SANBR: variants seen among roughly 807,000 people sequenced by gnomAD.
The protein encoded by SANBR is SANT and BTB domain regulator of class switch recombination.
Under a neutral mutation model 101.8 loss-of-function variants are expected in SANBR, and 77 were observed. The observed-to-expected ratio is 0.76, with a 90% CI of 0.63 to 0.91. The LOEUF (loss-of-function observed/expected upper bound fraction) is 0.91, where lower values mean the gene tolerates loss of function less well. Ranked by LOEUF, SANBR falls within the 40% of genes least tolerant of loss-of-function variation. SANBR has a pLI of 0.00. For synonymous variants in SANBR, 279 were observed against 274.7 expected (o/e 1.02, Z -0.15); for missense variants, 875 against 853.0 (o/e 1.03, Z -0.32).
At chr2:61,121,417 A>G (rs1684326383) in intron 21 of SANBR, 141 bp downstream of exon 21, 2 of 514,448 alleles carry the variant, frequency 3.9e-6, no homozygotes, top group Non-Finnish European at 7.1e-6. Context: ...TCAAGGCACT[A>G]ATTAGAAACA....
chr2:61,067,383 G>C (rs1298565997), intron 1 of SANBR, among the ~76,000 whole-genome samples: 1 of 152,118 alleles, frequency 6.6e-6, no homozygotes, highest in Non-Finnish European at 1.5e-5. Flanking sequence ...AGCTCTCAGG[G>C]AAGATCCTTG....
At chr2:61,137,284 AAAT>A (rs143341543) in intron 21 of SANBR, among the ~76,000 whole-genome samples, 34 of 151,318 alleles carry the variant, frequency 2.2e-4, no homozygotes, top group Non-Finnish European at 2.5e-4. Context: ...GACCCTGTCT[AAAT>A]AATAATAATA....
At chr2:61,096,726 CTT>C (rs1396346793) in intron 11 of SANBR, among the ~76,000 whole-genome samples, 4 of 152,112 alleles carry the variant, frequency 2.6e-5, no homozygotes, top group Admixed American at 6.6e-5. Context: ...ATTTTACTAA[CTT>C]ATAAACAATT....
chr2:61,106,423 CATT>C lies in SANBR; in HGVS notation c.1512-139_1512-137del, dbSNP rs1683570508. On this transcript the variant is annotated intron_variant, in intron 13 of 21. Transcript: ENST00000402291. ...AAAAAAAAAAAAAAAAAGGAAATGT[CATT>C]GTTGACGTGATATCCTTATACTCAG... The C allele has an allele frequency of 2.3e-5, 9 of 384,082 alleles. No homozygotes were observed. In the East Asian group the frequency reaches 5.7e-4, roughly 25 times the overall value. 23.8% of individuals were successfully genotyped at this position (384,082 alleles called of 1,614,324 possible).
intron 8 of SANBR, among the ~76,000 whole-genome samples, chr2:61,084,711 G>C (rs1443651375): frequency 6.6e-6 from 1 of 152,180 alleles, no homozygotes; most frequent in Non-Finnish European, 1.5e-5. Context: ...GACGTGATCT[G>C]ATTTGTTGTT....
chr2:61,086,086 T>C (rs1407052245), intron 8 of SANBR, among the ~76,000 whole-genome samples: 1 of 152,186 alleles, frequency 6.6e-6, no homozygotes, highest in Non-Finnish European at 1.5e-5. Flanking sequence ...TAACCTTCCA[T>C]TAATTTGAAT....
intron 19 of SANBR, 73 bp downstream of exon 19, chr2:61,117,613 C>T (rs1399107151): frequency 5.3e-6 from 7 of 1,312,840 alleles, no homozygotes; most frequent in Non-Finnish European, 7.7e-6. Flanking sequence ...TCATTTTATA[C>T]AGTATGCTGA....
chr2:61,066,880 T>G (rs1275950634), intron 1 of SANBR, among the ~76,000 whole-genome samples: 1 of 152,174 alleles, frequency 6.6e-6, no homozygotes, highest in Admixed American at 6.5e-5. Flanking sequence ...TCTTAAAAAA[T>G]GAAGTCTGTT....
At chr2:61,130,093 T>A (rs1684639999) in intron 20 of SANBR, among the ~76,000 whole-genome samples, 1 of 152,146 alleles carries the variant, frequency 6.6e-6, no homozygotes, top group Non-Finnish European at 1.5e-5. Flanking sequence ...AATTTTTGCT[T>A]TCTCCATGCT....
intron 13 of SANBR, 94 bp from the exon 14 acceptor site, chr2:61,106,469 A>G (rs1342694583): frequency 9.9e-6 from 8 of 811,596 alleles, no homozygotes; most frequent in Non-Finnish European, 1.6e-5. Flanking sequence ...ATTTCTAAAA[A>G]GCGATTTTTG....
rs1682492876 is a variant in SANBR at position 61,087,401 on chromosome 2, T to A, written c.891-758T>A. Among the ~76,000 whole-genome samples, 5 of 151,890 alleles carry A rather than the reference T, an allele frequency of 3.3e-5. No individual in the cohort carries two copies. In the East Asian group the frequency reaches 9.7e-4, roughly 29 times the overall value. On this transcript the variant is annotated intron_variant, in intron 8 of 21. Transcript: ENST00000402291. ...GCCAGCCCCAATCTCTACAGATTTT[T>A]TTTTTTTTTAATTAACTGAATGTGG...
At chr2:61,091,801 A>G (rs1316771193) in intron 10 of SANBR, among the ~76,000 whole-genome samples, 7 of 152,088 alleles carry the variant, frequency 4.6e-5, no homozygotes, top group Admixed American at 3.9e-4. Flanking sequence ...AACAAACTTG[A>G]GTTGCATATG....
rs532277898 is a variant in SANBR at position 61,123,645 on chromosome 2, A to C, written c.*1483A>C. On this transcript the variant is annotated 3_prime_UTR_variant, in exon 22 of 22. Transcript: ENST00000402291. Reference sequence around the variant, plus strand: ...AGGATTTGGATTTGTACATGTAAACAGTGCTGTAATGGTCACGACTAGATA... The same window carrying C: ...AGGATTTGGATTTGTACATGTAAACCGTGCTGTAATGGTCACGACTAGATA... The C allele has an allele frequency of 8.1e-6, 8 of 985,462 alleles. No individual in the cohort carries two copies. The East Asian group carries it at 5.6e-4, about 69-fold the overall frequency. The allele number at this position is 985,462 out of a possible 1,614,324, so 61.0% of individuals were successfully genotyped here. A position where few individuals can be genotyped will look rare whatever the true frequency, so the allele number is the denominator to read the frequency against.
At chr2:61,075,423 A>G (rs955394913) in intron 5 of SANBR, among the ~76,000 whole-genome samples, 2 of 151,818 alleles carry the variant, frequency 1.3e-5, no homozygotes, top group Non-Finnish European at 2.9e-5. Context: ...ATGCCGGCTA[A>G]TTTTTAAAAT....
chr2:61,078,763 G>T (rs1161430139), intron 6 of SANBR, among the ~76,000 whole-genome samples: 1 of 152,122 alleles, frequency 6.6e-6, no homozygotes, highest in Non-Finnish European at 1.5e-5. Context: ...TTTAGGCAGG[G>T]CATGGTGGCT....
At chr2:61,070,293 C>T in intron 2 of SANBR, 49 bp from the exon 3 acceptor site, 4 of 1,367,918 alleles carry the variant, frequency 2.9e-6, no homozygotes, top group African/African-American at 1.5e-5. Flanking sequence ...GTTCTGAAAA[C>T]ATTTGGATTT....
At chr2:61,102,528 T>A (rs1478519477) in intron 12 of SANBR, among the ~76,000 whole-genome samples, 1 of 151,870 alleles carries the variant, frequency 6.6e-6, no homozygotes, top group Non-Finnish European at 1.5e-5. Flanking sequence ...TTTACCACAA[T>A]GACTAAATTT....
rs7564615 is a variant in SANBR, at chr2:61,122,609, G to A, written c.*447G>A. On this transcript the variant is annotated 3_prime_UTR_variant, in exon 22 of 22. Transcript: ENST00000402291. The stretch of plus-strand genomic sequence containing the variant: ...GATAGCATTGAGAACTGCAGGTTGT[G>A]TGACGAAATTCCCAATGATGCTAAT... The A allele has an allele frequency of 0.014, 13,514 of 987,086 alleles. 1,468 individuals are homozygous for A. In the African/African-American group the frequency reaches 0.22, roughly 16 times the overall value. 61.1% of individuals were successfully genotyped at this position (987,086 alleles called of 1,614,324 possible). A position where few individuals can be genotyped will look rare whatever the true frequency, so the allele number is the denominator to read the frequency against.
chr2:61,098,407 T>G (rs1683136735), intron 12 of SANBR, among the ~76,000 whole-genome samples: 1 of 152,186 alleles, frequency 6.6e-6, no homozygotes, highest in Non-Finnish European at 1.5e-5. Flanking sequence ...CCCAGCCTTA[T>G]ATATGGCTTT....
Sources: gnomAD v4.1 joint callset for allele counts (sites outside exome capture counted in the v4.1 genomes callset) on GRCh38, gnomAD v4.1.1 for gene constraint, MANE v1.5 for transcripts, NCBI Gene and HGNC (gene_info 2026-07-23, HGNC 2026-07-21) for gene names.